Variants in IGFBP2 observed in about 807,000 individuals in gnomAD.
IGFBP2 encodes the protein insulin-like growth factor-binding protein 2.
IGFBP2 carries 12 observed loss-of-function variants against 26.2 expected under a neutral mutation model. The ratio of observed to expected loss-of-function variants is 0.46; its 90% CI spans 0.29 to 0.74. IGFBP2 has a LOEUF of 0.74. Among genes scored for constraint, IGFBP2 ranks in the 30% least tolerant of loss-of-function variants. IGFBP2 has a pLI of 0.09. For missense variants in IGFBP2, 328 were observed against 441.2 expected (o/e 0.74, Z 2.30); for synonymous variants, 189 against 200.6 (o/e 0.94, Z 0.49).
upstream of IGFBP2, chr2:216,633,020 A>T (rs987736523): frequency 2.0e-5 from 3 of 152,194 alleles, no homozygotes; most frequent in Non-Finnish European, 4.4e-5. Flanking sequence ...TGAAGGTCAA[A>T]ACGGAGCCTT....
intron 1 of IGFBP2, among the ~76,000 whole-genome samples, chr2:216,657,046 C>T (rs1225863187): frequency 6.6e-6 from 1 of 152,156 alleles, no homozygotes; most frequent in Non-Finnish European, 1.5e-5. Flanking sequence ...ACTGGAGGTT[C>T]CCACTTCATT....
rs747774910 is a variant in IGFBP2 at position 216,661,916 on chromosome 2, C to T, written c.731C>T (p.Pro244Leu). The T allele has an allele frequency of 3.0e-5, 49 of 1,614,070 alleles. No homozygotes were observed. Among genetic ancestry groups the T allele is most frequent in the South Asian group, 6.6e-5 (6 of 91,086 alleles). The stretch of plus-strand genomic sequence containing the variant: ...GAGCGGATCTCCACCATGCGCCTTC[C>T]GGATGAGCGGGGCCCTCTGGAGCAC... ...VLERISTMRL[P>L]DERGPLEHLY... The change falls in exon 3 of 4, where the codon CCG (proline) becomes CTG (leucine). Residue 244 changes from proline (P) to leucine (L), a missense_variant. Physicochemically the swap from Pro to Leu is moderately conservative, Grantham distance 98. Transcript: ENST00000233809.
intron 1 of IGFBP2, among the ~76,000 whole-genome samples, chr2:216,651,080 G>A (rs1157717687): frequency 6.6e-6 from 1 of 151,964 alleles, no homozygotes; most frequent in African/African-American, 2.4e-5. Context: ...AGAGGCCACT[G>A]CCCCCTCTGA....
chr2:216,652,060 C>G (rs1024251209), intron 1 of IGFBP2, among the ~76,000 whole-genome samples: 1 of 152,154 alleles, frequency 6.6e-6, no homozygotes, highest in Non-Finnish European at 1.5e-5. Flanking sequence ...CCATGCCTGG[C>G]CACCACACAT....
intron 1 of IGFBP2, among the ~76,000 whole-genome samples, chr2:216,660,316 C>A (rs1698011169): frequency 6.6e-6 from 1 of 152,142 alleles, no homozygotes; most frequent in Admixed American, 6.5e-5. Flanking sequence ...CCTCTGTGAG[C>A]CTCAAATTCT....
chr2:216,653,867 G>C (rs2106201087), intron 1 of IGFBP2, among the ~76,000 whole-genome samples: 1 of 152,280 alleles, frequency 6.6e-6, no homozygotes, highest in Middle Eastern at 3.4e-3. Flanking sequence ...TAGGGAAGAA[G>C]AGCTAATGCT....
At chr2:216,641,530 A>G (rs1697612997) in intron 1 of IGFBP2, among the ~76,000 whole-genome samples, 2 of 152,076 alleles carry the variant, frequency 1.3e-5, no homozygotes, top group African/African-American at 4.8e-5. Context: ...TACCTCTCCA[A>G]CCTACTTTCA....
chr2:216,655,049 T>G (rs1443089290), intron 1 of IGFBP2, among the ~76,000 whole-genome samples: 1 of 152,076 alleles, frequency 6.6e-6, no homozygotes, highest in South Asian at 2.1e-4. Context: ...ATTTAAAAAT[T>G]ATTATTTTTC....
intron 1 of IGFBP2, among the ~76,000 whole-genome samples, chr2:216,653,483 A>G (rs915261099): frequency 6.6e-6 from 1 of 152,204 alleles, no homozygotes; most frequent in African/African-American, 2.4e-5. Context: ...CCTTGGCTAA[A>G]TTAGTAAGGG....
chr2:216,664,192 T>A lies in IGFBP2; in HGVS notation c.*88T>A. On this transcript the variant is annotated 3_prime_UTR_variant, in exon 4 of 4. Coordinates refer to ENST00000233809, the MANE Select transcript of IGFBP2 (RefSeq NM_000597.3). This position sits in a 1 kb window ranked among gnomAD's most constrained non-coding sequence, Gnocchi z 4.6. ...CGGAGAGTGCTTGGGTGGTGGGTGC[T>A]GGAGGATTTTCCAGTTCTGACACAC... is the stretch of plus-strand genomic sequence containing the variant. 1 of 1,151,904 alleles carries A rather than the reference T, an allele frequency of 8.7e-7. No homozygotes were observed. The highest frequency in any genetic ancestry group is 2.7e-5 in the East Asian group (1 of 37,214). 71.4% of individuals were successfully genotyped at this position (1,151,904 alleles called of 1,614,324 possible).
intron 1 of IGFBP2, among the ~76,000 whole-genome samples, chr2:216,637,265 G>A (rs547487964): frequency 5.9e-5 from 9 of 152,304 alleles, no homozygotes; most frequent in Admixed American, 5.9e-4. Context: ...TGAGTCACCA[G>A]TCACCACTGT....
At chr2:216,642,022 C>T (rs560470626) in intron 1 of IGFBP2, among the ~76,000 whole-genome samples, 3 of 140,942 alleles carry the variant, frequency 2.1e-5, no homozygotes, top group East Asian at 2.1e-4. Context: ...TTTCGTGAGA[C>T]GGAGTCTCGC....
intron 1 of IGFBP2, among the ~76,000 whole-genome samples, chr2:216,646,611 G>A (rs1384678943): frequency 2.0e-5 from 3 of 152,256 alleles, no homozygotes; most frequent in Admixed American, 2.0e-4. Flanking sequence ...AGGTTTAATA[G>A]ACTCACAGTT....
chr2:216,658,836 G>C (rs529450006), intron 1 of IGFBP2, among the ~76,000 whole-genome samples: 1 of 152,298 alleles, frequency 6.6e-6, no homozygotes, highest in East Asian at 1.9e-4. Context: ...ATAGGCATGA[G>C]CCACCACACC....
intron 1 of IGFBP2, among the ~76,000 whole-genome samples, chr2:216,646,144 T>C (rs1364915644): frequency 1.3e-5 from 2 of 152,246 alleles, no homozygotes; most frequent in Non-Finnish European, 2.9e-5. Flanking sequence ...TTGCAGGTTT[T>C]AAATTTCTTT....
intron 1 of IGFBP2, among the ~76,000 whole-genome samples, chr2:216,648,602 TTTTTTG>T (rs1697760485): frequency 6.6e-6 from 1 of 152,042 alleles, no homozygotes; most frequent in Admixed American, 6.6e-5. Flanking sequence ...GAGAGGTGAC[TTTTTTG>T]TTTTTGTTTT....
intron 1 of IGFBP2, among the ~76,000 whole-genome samples, chr2:216,637,945 T>C (rs1267341930): frequency 1.3e-5 from 2 of 152,312 alleles, no homozygotes; most frequent in East Asian, 3.9e-4. Context: ...TCCCAGCACT[T>C]TGGGAGGCCG....
At chr2:216,647,721 CAT>C (rs1559176955) in intron 1 of IGFBP2, among the ~76,000 whole-genome samples, 8 of 152,120 alleles carry the variant, frequency 5.3e-5, no homozygotes, top group East Asian at 3.9e-4. Flanking sequence ...GGGGTTTCAC[CAT>C]GTTAGCCAGG....
rs1213870019 is a variant in IGFBP2, at chr2:216,658,174, A to G, written c.443-2383A>G. 4.6e-5 allele frequency among the ~76,000 whole-genome samples: 7 copies of G among 151,952 alleles called. No homozygotes were observed. The South Asian group carries it at 1.5e-3, about 32-fold the overall frequency. On this transcript the variant is annotated intron_variant, in intron 1 of 3. Transcript: ENST00000233809. ...CATTTGATCCTTCTTGCTACTGTCC[A>G]CATGCATTCCTTCTTTGTCCCTTCA...
Sources: gnomAD v4.1 joint callset for allele counts (sites outside exome capture counted in the v4.1 genomes callset) on GRCh38, gnomAD v4.1.1 for gene constraint, Gnocchi (gnomAD v3.1) non-coding constraint, MANE v1.5 for transcripts, NCBI Gene and HGNC (gene_info 2026-07-23, HGNC 2026-07-21) for gene names.